The following GABRG3 variants were observed in gnomAD, a reference collection of about 807,000 sequenced individuals.
GABRG3 encodes the protein gamma-aminobutyric acid type A receptor subunit gamma3, also known as gamma-aminobutyric acid receptor subunit gamma-3.
In GABRG3, 25 loss-of-function variants were observed where a neutral mutation model predicts 48.8. That is an observed-to-expected ratio of 0.51 (90% CI 0.37 to 0.72). GABRG3 has a LOEUF of 0.72. Among genes scored for constraint, GABRG3 ranks in the 30% least tolerant of loss-of-function variants. The pLI, the probability that GABRG3 is intolerant of heterozygous loss-of-function variation, is 0.00. For synonymous variants in GABRG3, 227 were observed against 217.6 expected, an observed-to-expected ratio of 1.04 and a Z score of -0.38; for missense variants, 394 against 577.9, an observed-to-expected ratio of 0.68 and a Z score of 3.26.
chr15:27,256,680 G>C (rs1482619601), intron 3 of GABRG3, among the ~76,000 whole-genome samples: 2 of 152,048 alleles, frequency 1.3e-5, no homozygotes, highest in Non-Finnish European at 2.9e-5. Flanking sequence ...TTTAACCCCA[G>C]GTTAGTTTTA....
chr15:27,439,505 C>G (rs1888718698), intron 5 of GABRG3, among the ~76,000 whole-genome samples: 1 of 152,142 alleles, frequency 6.6e-6, no homozygotes, highest in African/African-American at 2.4e-5. Context: ...CAGAATCATT[C>G]CCTACACCAT....
intron 5 of GABRG3, among the ~76,000 whole-genome samples, chr15:27,397,079 G>T (rs1566822892): frequency 6.6e-6 from 1 of 152,022 alleles, no homozygotes; most frequent in Non-Finnish European, 1.5e-5. Context: ...CATTTTTACG[G>T]TACATAAACT....
intron 3 of GABRG3, among the ~76,000 whole-genome samples, chr15:27,232,797 C>T (rs1249715262): frequency 2.6e-5 from 4 of 152,192 alleles, no homozygotes; most frequent in African/African-American, 9.7e-5. Flanking sequence ...AAAAATGTTA[C>T]CATTTATTAA....
chr15:27,431,132 T>C (rs1335712196), intron 5 of GABRG3, among the ~76,000 whole-genome samples: 4 of 152,124 alleles, frequency 2.6e-5, no homozygotes, highest in African/African-American at 9.6e-5. Flanking sequence ...TATTTATTAG[T>C]GAAGCTCTTT....
intron 2 of GABRG3, among the ~76,000 whole-genome samples, chr15:27,001,425 C>T (rs1895444505): frequency 2.0e-5 from 3 of 152,194 alleles, no homozygotes; most frequent in Admixed American, 2.0e-4. Flanking sequence ...TGTGTCCAAC[C>T]CAGCTGACTC....
chr15:27,167,405 G>A (rs1169864508), intron 3 of GABRG3, among the ~76,000 whole-genome samples: 1 of 152,180 alleles, frequency 6.6e-6, no homozygotes, highest in African/African-American at 2.4e-5. Flanking sequence ...GAGCACCCAA[G>A]GTGCAAAAAC....
At chr15:27,006,844 T>C (rs1400653747) in intron 2 of GABRG3, among the ~76,000 whole-genome samples, 1 of 129,796 alleles carries the variant, frequency 7.7e-6, no homozygotes, top group East Asian at 2.0e-4. Context: ...GTTTGTTTTT[T>C]TTTTCTTTTT....
chr15:27,176,210 A>G (rs1054987385), intron 3 of GABRG3, among the ~76,000 whole-genome samples: 1 of 152,188 alleles, frequency 6.6e-6, no homozygotes, highest in Non-Finnish European at 1.5e-5. Flanking sequence ...TTCCCATGCT[A>G]ACTTAAACCA....
chr15:27,239,371 T>C (rs1056238076), intron 3 of GABRG3, among the ~76,000 whole-genome samples: 2 of 152,232 alleles, frequency 1.3e-5, no homozygotes, highest in Non-Finnish European at 2.9e-5. Context: ...TTCTCAACAT[T>C]AGTGATTCTA....
chr15:27,350,977 GTGTA>G (rs1367055903), intron 5 of GABRG3, among the ~76,000 whole-genome samples: 3 of 151,502 alleles, frequency 2.0e-5, no homozygotes, highest in Non-Finnish European at 2.9e-5. Flanking sequence ...GTGTTTGTGT[GTGTA>G]TGGTGTGTGA....
intron 3 of GABRG3, among the ~76,000 whole-genome samples, chr15:27,182,704 G>A (rs1300014501): frequency 6.6e-6 from 1 of 152,164 alleles, no homozygotes; most frequent in African/African-American, 2.4e-5. Flanking sequence ...AGAGATTTGT[G>A]CTGGAGTCAA....
At chr15:27,226,117 G>C (rs1566971553) in intron 3 of GABRG3, among the ~76,000 whole-genome samples, 1 of 152,176 alleles carries the variant, frequency 6.6e-6, no homozygotes, top group Non-Finnish European at 1.5e-5. Flanking sequence ...AGGGCAGAGA[G>C]GGGCTGAAAG....
At chr15:26,987,978 T>C (rs530755193) in intron 2 of GABRG3, among the ~76,000 whole-genome samples, 39 of 152,330 alleles carry the variant, frequency 2.6e-4, no homozygotes, top group Non-Finnish European at 4.7e-4. Flanking sequence ...CAGATATCAT[T>C]CAGTTATTGA....
intron 2 of GABRG3, among the ~76,000 whole-genome samples, chr15:26,999,413 C>T (rs1895403468): frequency 6.6e-6 from 1 of 152,114 alleles, no homozygotes; most frequent in African/African-American, 2.4e-5. Context: ...ACTTTAAGGA[C>T]ATTGAAATCC....
At chr15:27,104,342 G>A (rs772478292) in intron 3 of GABRG3, among the ~76,000 whole-genome samples, 8 of 152,346 alleles carry the variant, frequency 5.3e-5, no homozygotes, top group South Asian at 2.1e-4. Context: ...TTCCAGAGGC[G>A]TGGCATGAGT....
chr15:27,411,484 C>T (rs1190360957), intron 5 of GABRG3, among the ~76,000 whole-genome samples: 1 of 152,152 alleles, frequency 6.6e-6, no homozygotes, highest in Non-Finnish European at 1.5e-5. Context: ...CCCATAGCTT[C>T]CTTGCATTAC....
chr15:27,485,202 C>T (rs1227633531), intron 6 of GABRG3, among the ~76,000 whole-genome samples: 1 of 152,098 alleles, frequency 6.6e-6, no homozygotes, highest in Non-Finnish European at 1.5e-5. Flanking sequence ...ATCCACCTTA[C>T]GAGTCTGGCA....
chr15:27,375,190 A>G (rs1472183252), intron 5 of GABRG3, among the ~76,000 whole-genome samples: 2 of 152,154 alleles, frequency 1.3e-5, no homozygotes, highest in African/African-American at 4.8e-5. Context: ...GTCTCCCTTC[A>G]TGAGATATTA....
chr15:27,459,436 G>GGGAAACA (rs1400098827), intron 5 of GABRG3, among the ~76,000 whole-genome samples: 1 of 152,200 alleles, frequency 6.6e-6, no homozygotes, highest in Non-Finnish European at 1.5e-5. Flanking sequence ...AAATGAAACT[G>GGGAAACA]GGAAACAGCA....
Sources: allele counts gnomAD v4.1 joint callset (sites outside exome capture counted in the v4.1 genomes callset), GRCh38; gene constraint gnomAD v4.1.1; transcripts MANE v1.5; gene names NCBI Gene and HGNC (gene_info 2026-07-23, HGNC 2026-07-21).